The following ABL2 variants were observed in gnomAD, a reference collection of about 807,000 sequenced individuals.
The protein encoded by ABL2 is ABL proto-oncogene 2, non-receptor tyrosine kinase.
Under a neutral mutation model 107.7 loss-of-function variants are expected in ABL2, and 49 were observed. The observed-to-expected ratio is 0.45, with a 90% CI of 0.36 to 0.58. The LOEUF is 0.58. Among genes scored for constraint, ABL2 ranks in the 20% least tolerant of loss-of-function variants. ABL2 has a pLI of 0.00. For missense variants in ABL2, 1,245 were observed against 1,457.0 expected, an observed-to-expected ratio of 0.85 and a Z score of 2.37; for synonymous variants, 549 against 548.6, an observed-to-expected ratio of 1.00 and a Z score of -0.01.
At chr1:179,149,298 G>A (rs1217566769) in intron 1 of ABL2, among the ~76,000 whole-genome samples, 1 of 152,226 alleles carries the variant, frequency 6.6e-6, no homozygotes, top group Non-Finnish European at 1.5e-5. Context: ...AGAGAGGTAA[G>A]GAAGCTGCAG....
intron 1 of ABL2, among the ~76,000 whole-genome samples, chr1:179,157,875 T>C (rs1658805680): frequency 6.6e-6 from 1 of 152,056 alleles, no homozygotes; most frequent in African/African-American, 2.4e-5. Context: ...TGGCCCAAAT[T>C]ACAGAATCTT....
chr1:179,118,912 G>A, intron 6 of ABL2, 148 bp from the exon 7 acceptor site: 1 of 818,764 alleles, frequency 1.2e-6, no homozygotes. Context: ...AAATTAATAA[G>A]CAAAAACTAA....
intron 10 of ABL2, chr1:179,110,990 T>C: frequency 8.3e-7 from 1 of 1,204,138 alleles, no homozygotes; most frequent in East Asian, 2.4e-5. Context: ...CTTTTTTTTT[T>C]TTTTTTTTTT....
In ABL2 at chr1:179,121,679, G is replaced by A. The variant is rs180770623; in HGVS notation, c.876C>T (p.His292=). The A allele has an allele frequency of 5.6e-6, 9 of 1,614,142 alleles. No individual in the cohort carries two copies. The Admixed American group carries it at 1.5e-4, about 27-fold the overall frequency. The change falls in exon 5 of 12, where the codon CAC becomes CAT. Residue 292 remains histidine (H), a synonymous_variant. Transcript: ENST00000502732. ...EMERTDITMK[H]KLGGGQYGEV... ...CTCCATACTGACCGCCCCCAAGTTTGTGCTTCATGGTAATATCTGTTCGCT... is the reference window on the plus strand; with the variant it reads ...CTCCATACTGACCGCCCCCAAGTTTATGCTTCATGGTAATATCTGTTCGCT...
chr1:179,126,016 A>G lies in ABL2; in HGVS notation c.687+361T>C, dbSNP rs1310311274. Among the ~76,000 whole-genome samples the G allele has an allele frequency of 6.6e-6, 1 of 152,212 alleles. No homozygotes were observed. The stretch of plus-strand genomic sequence containing the variant: ...ATTCTTACTCTGTGAACTTTCTGGT[A>G]GATATTATTCTAATTTTCAATGATA... On this transcript the variant is annotated intron_variant, in intron 4 of 11. Coordinates refer to ENST00000502732, the MANE Select transcript of ABL2 (RefSeq NM_007314.4). This position sits in a 1 kb window ranked among gnomAD's most constrained non-coding sequence, Gnocchi z 4.4.
intron 1 of ABL2, among the ~76,000 whole-genome samples, chr1:179,223,152 G>A: frequency 6.8e-6 from 1 of 147,350 alleles, no homozygotes; most frequent in East Asian, 2.0e-4. Context: ...AGGGCCTCAT[G>A]TCTGTAATCC....
At chr1:179,228,050 CAAAAAAAAA>C (rs34070201) in intron 1 of ABL2, among the ~76,000 whole-genome samples, 1 of 63,376 alleles carries the variant, frequency 1.6e-5, no homozygotes, top group African/African-American at 6.9e-5. Flanking sequence ...ACTCCGTCTC[CAAAAAAAAA>C]AAAAAAAAAA....
intron 3 of ABL2, 107 bp downstream of exon 3, chr1:179,131,204 A>G (rs992659065): frequency 3.1e-6 from 4 of 1,277,588 alleles, no homozygotes; most frequent in African/African-American, 3.0e-5. Flanking sequence ...TTGGCCTCCC[A>G]AAGTGCTGAG....
intron 1 of ABL2, among the ~76,000 whole-genome samples, chr1:179,196,131 T>C (rs1413864483): frequency 6.6e-6 from 1 of 152,186 alleles, no homozygotes; most frequent in Non-Finnish European, 1.5e-5. Context: ...GGGCCAACCT[T>C]GCAAGCAGAC....
At chr1:179,151,858 C>G (rs1004082151) in intron 1 of ABL2, among the ~76,000 whole-genome samples, 2 of 152,096 alleles carry the variant, frequency 1.3e-5, no homozygotes, top group Non-Finnish European at 2.9e-5. Context: ...AAGTTGTTAT[C>G]ACCCCTGTTG....
At chr1:179,212,826 C>T (rs769199344) in intron 1 of ABL2, among the ~76,000 whole-genome samples, 12 of 151,560 alleles carry the variant, frequency 7.9e-5, no homozygotes, top group Middle Eastern at 3.2e-3. Context: ...GCAAGAGGAT[C>T]ACCTGAGATC....
rs752412878 is a variant in ABL2 at position 179,100,997 on chromosome 1, T to C, written c.*6721A>G. On this transcript the variant is annotated 3_prime_UTR_variant, in exon 12 of 12. Coordinates refer to ENST00000502732, the MANE Select transcript of ABL2 (RefSeq NM_007314.4). ...TCCGGCGAGACCTCGCCAGGTGGGC[T>C]TGAGAAACGCAGCAACTGCCAAGTG... is the stretch of plus-strand genomic sequence containing the variant. 1.7e-5 allele frequency: 4 copies of C among 232,698 alleles called. No homozygotes were observed. The highest frequency in any genetic ancestry group is 6.0e-5 in the East Asian group (1 of 16,530). The allele number at this position is 232,698 out of a possible 1,614,324, so 14.4% of individuals were successfully genotyped here. A position where few individuals can be genotyped will look rare whatever the true frequency, so the allele number is the denominator to read the frequency against.
chr1:179,192,330 A>G (rs1051052239), intron 1 of ABL2, among the ~76,000 whole-genome samples: 2 of 152,220 alleles, frequency 1.3e-5, no homozygotes, highest in African/African-American at 4.8e-5. Flanking sequence ...GACAAACCAA[A>G]AAATATGATA....
At chr1:179,171,677 C>T (rs1372994643) in intron 1 of ABL2, among the ~76,000 whole-genome samples, 3 of 152,154 alleles carry the variant, frequency 2.0e-5, no homozygotes, top group Non-Finnish European at 2.9e-5. Context: ...CACTTGCCAC[C>T]ATGCCCAGCT....
chr1:179,160,355 A>T (rs1445191336), intron 1 of ABL2, among the ~76,000 whole-genome samples: 1 of 152,072 alleles, frequency 6.6e-6, no homozygotes, highest in Non-Finnish European at 1.5e-5. Flanking sequence ...CTCTAAAAAT[A>T]AAATAAATTT....
intron 8 of ABL2, among the ~76,000 whole-genome samples, chr1:179,115,993 T>C (rs12065429): frequency 0.015 from 2,277 of 151,834 alleles, 71 homozygotes; most frequent in African/African-American, 0.051. Context: ...CCAGATCAAT[T>C]AGGACAAATT....
Position 179,108,619 on chromosome 1 carries a change from C to A in ABL2, c.2648G>T (p.Gly883Val), listed in dbSNP as rs755144754. The A allele has an allele frequency of 3.7e-6, 6 of 1,614,204 alleles. 1 individual carries two copies. In the South Asian group the frequency reaches 6.6e-5, roughly 18 times the overall value. Reference protein sequence around the residue: ...EKDPPGVGVAGVAAAPKGKEK... With the variant: ...EKDPPGVGVAVVAAAPKGKEK... ...TTTACCCTTGGGGGCAGCTGCCACT[C>A]CAGCCACTCCCACCCCTGGAGGGTC... The change falls in exon 12 of 12, where the codon GGA (glycine) becomes GTA (valine). Residue 883 changes from glycine (G) to valine (V), a missense_variant. Physicochemically the swap from Gly to Val is moderately radical, Grantham distance 109. Around this residue, in one of 3 missense-constraint regions of ABL2, gnomAD observed 761 missense variants for 766.4 expected, o/e 0.99. Coordinates refer to ENST00000502732, the MANE Select transcript of ABL2 (RefSeq NM_007314.4).
At chr1:179,136,394 T>C (rs1242323182) in intron 1 of ABL2, among the ~76,000 whole-genome samples, 2 of 152,212 alleles carry the variant, frequency 1.3e-5, no homozygotes, top group Non-Finnish European at 2.9e-5. Flanking sequence ...GGGATCCTGT[T>C]GATCGGTGAC....
intron 1 of ABL2, among the ~76,000 whole-genome samples, chr1:179,208,881 C>T (rs901995130): frequency 2.0e-5 from 3 of 152,084 alleles, no homozygotes; most frequent in Non-Finnish European, 2.9e-5. Flanking sequence ...CATTTATCAG[C>T]TAAGAATTAA....
Sources: allele counts gnomAD v4.1 joint callset (sites outside exome capture counted in the v4.1 genomes callset), GRCh38; gene constraint gnomAD v4.1.1; regional missense constraint gnomAD v4.1.1; non-coding constraint Gnocchi (gnomAD v3.1); transcripts MANE v1.5; gene names NCBI Gene and HGNC (gene_info 2026-07-23, HGNC 2026-07-21).